SPPL2B: variants seen among roughly 807,000 people sequenced by gnomAD.
The protein encoded by SPPL2B is signal peptide peptidase like 2B, also known as signal peptide peptidase-like 2B.
SPPL2B carries 39 observed loss-of-function variants against 59.7 expected under a neutral mutation model. The observed-to-expected ratio is 0.65, with a 90% CI of 0.51 to 0.85. The LOEUF is 0.85. Ranked by LOEUF, SPPL2B falls within the 40% of genes least tolerant of loss-of-function variation. The pLI is 0.00. For missense variants in SPPL2B, 865 were observed against 849.0 expected, an observed-to-expected ratio of 1.02 and a Z score of -0.23; for synonymous variants, 419 against 370.8, an observed-to-expected ratio of 1.13 and a Z score of -1.49.
intron 13 of SPPL2B, among the ~76,000 whole-genome samples, chr19:2,345,552 C>T (rs566202478): frequency 2.1e-5 from 3 of 143,546 alleles, no homozygotes; most frequent in East Asian, 2.2e-4. Flanking sequence ...TCATTCTCCC[C>T]GGGCCTGTGC....
intron 12 of SPPL2B, 139 bp downstream of exon 12, chr19:2,344,791 G>T (rs969270434): frequency 6.9e-5 from 46 of 664,008 alleles, no homozygotes; most frequent in Non-Finnish European, 1.2e-4. Context: ...GCAGGTTGGG[G>T]CCGTTGAGGC....
rs749034792 is a variant in SPPL2B, at chr19:2,353,197, C to T, written c.1767C>T (p.Gly589=). ...QAQPSPVTQP[G]ASA ...AGCCGTCCCCGGTAACCCAGCCTGG[C>T]GCCTCGGCCTAGGGGAGGGGTGAGA... is the stretch of plus-strand genomic sequence containing the variant. Residue 589 remains glycine (G), a synonymous_variant, in exon 15 of 15, where the codon GGC becomes GGT. Transcript: ENST00000613503. The T allele has an allele frequency of 3.1e-5, 50 of 1,601,260 alleles. No homozygotes were observed. The highest frequency in any genetic ancestry group is 2.5e-4 in the East Asian group (11 of 44,774).
intron 13 of SPPL2B, among the ~76,000 whole-genome samples, chr19:2,346,209 G>A (rs1969360006): frequency 2.0e-5 from 3 of 152,328 alleles, no homozygotes; most frequent in South Asian, 2.1e-4. Context: ...CTCCTCTGCC[G>A]AGCCACGCCC....
intron 8 of SPPL2B, chr19:2,341,701 A>G (rs1036288855): frequency 1.2e-5 from 5 of 419,612 alleles, no homozygotes; most frequent in Admixed American, 2.6e-5. Flanking sequence ...TAACTGGCAG[A>G]AGGAAGATGT....
chr19:2,335,633 A>G (rs1242289374), intron 2 of SPPL2B, among the ~76,000 whole-genome samples: 3 of 143,784 alleles, frequency 2.1e-5, no homozygotes, highest in Non-Finnish European at 4.5e-5. Flanking sequence ...TGCATCCTTC[A>G]GGCCCCGCCT....
chr19:2,343,216 C>T lies in SPPL2B; in HGVS notation c.962C>T (p.Ala321Val), dbSNP rs1203840061. The change falls in exon 9 of 15, where the codon GCC (alanine) becomes GTC (valine). Residue 321 changes from alanine to valine, a missense_variant. Ala to Val is a moderately conservative substitution (Grantham distance 64, BLOSUM62 0). Coordinates refer to ENST00000613503, the MANE Select transcript of SPPL2B (RefSeq NM_152988.3). Reference sequence around the variant, plus strand: ...GATGCTGCTTTGTCTTGCAGGTGGGCCTGGGTCCTCCAGGATGCCCTGGGC... The same window carrying T: ...GATGCTGCTTTGTCTTGCAGGTGGGTCTGGGTCCTCCAGGATGCCCTGGGC... ...WGVFRNEDQW[A>V]WVLQDALGIA... The T allele has an allele frequency of 8.4e-6, 13 of 1,554,206 alleles. No homozygotes were observed. Among genetic ancestry groups the T allele is most frequent in the African/African-American group, 1.4e-5 (1 of 73,306 alleles).
At chr19:2,350,839 C>T (rs765565523) in intron 13 of SPPL2B, among the ~76,000 whole-genome samples, 7 of 152,212 alleles carry the variant, frequency 4.6e-5, no homozygotes, top group African/African-American at 1.4e-4. Context: ...CCCTCCCCTG[C>T]GGGTGCCAAG....
At chr19:2,343,406 C>T in intron 9 of SPPL2B, 114 bp downstream of exon 9, 1 of 894,854 alleles carries the variant, frequency 1.1e-6, no homozygotes, top group South Asian at 1.5e-5. Flanking sequence ...GCTCACTGCC[C>T]TGGGGATGGC....
At chr19:2,339,643 C>T in intron 5 of SPPL2B, 181 bp from the exon 6 acceptor site, 1 of 684,174 alleles carries the variant, frequency 1.5e-6, no homozygotes, top group South Asian at 1.9e-5. Flanking sequence ...CCCTGCCACC[C>T]TCTGCTGTGT....
intron 12 of SPPL2B, 52 bp from the exon 13 acceptor site, chr19:2,345,201 T>C (rs1969296017): frequency 1.3e-6 from 2 of 1,544,782 alleles, no homozygotes; most frequent in Non-Finnish European, 1.8e-6. Flanking sequence ...AGGAAGCCCC[T>C]GCTCTGAGGC....
chr19:2,353,020 A>G lies in SPPL2B; in HGVS notation c.1590A>G (p.Pro530=). ...AGCCTCCCAAAGACTCTGCCACGCC[A>G]CTCTCCCCGCAGCCGCCCAGCGAAG... ...GPQPPKDSAT[P]LSPQPPSEEP... The change falls in exon 15 of 15, where the codon CCA becomes CCG. Residue 530 remains proline, a synonymous_variant. Coordinates refer to ENST00000613503, the MANE Select transcript of SPPL2B (RefSeq NM_152988.3). 6.2e-7 allele frequency: 1 copy of G among 1,610,460 alleles called. No individual in the cohort carries two copies. The highest frequency in any genetic ancestry group is 1.1e-5 in the South Asian group (1 of 90,946).
chr19:2,330,027 G>A (rs1968197698), intron 1 of SPPL2B, among the ~76,000 whole-genome samples: 1 of 152,148 alleles, frequency 6.6e-6, no homozygotes, highest in South Asian at 2.1e-4. Flanking sequence ...TGGAAGGAGG[G>A]GGAAAGCCAG....
intron 13 of SPPL2B, among the ~76,000 whole-genome samples, chr19:2,346,281 C>T (rs1053141691): frequency 5.3e-5 from 8 of 152,234 alleles, no homozygotes; most frequent in Non-Finnish European, 7.3e-5. Flanking sequence ...GAGTTCAGGC[C>T]GGCCTGTCCC....
chr19:2,343,991 G>C lies in SPPL2B; in HGVS notation c.1065G>C (p.Leu355=), dbSNP rs555728336. 6.5e-7 allele frequency: 1 copy of C among 1,548,450 alleles called. No homozygotes were observed. The highest frequency in any genetic ancestry group is 8.7e-7 in the Non-Finnish European group (1 of 1,146,704). Residue 355 remains leucine, a synonymous_variant, in exon 10 of 15, where the codon CTG becomes CTC. Coordinates refer to ENST00000613503, the MANE Select transcript of SPPL2B (RefSeq NM_152988.3). ...CCTGCACGCTGCTGCTGCTGGTGCT[G>C]TTCCTCTACGACATCTTCTTCGTGT... ...FKACTLLLLV[L]FLYDIFFVFI...
chr19:2,340,789 T>G (rs1968982115), intron 7 of SPPL2B, 109 bp from the exon 8 acceptor site: 1 of 634,970 alleles, frequency 1.6e-6, no homozygotes, highest in Non-Finnish European at 2.7e-6. Context: ...GACAACAGAG[T>G]GGGGGCTGCC....
At position 2,332,264 on chromosome 19, in the gene SPPL2B, C is replaced by T. The variant is rs1287308856; in HGVS notation, c.67-2338C>T. ...CACCCCGAGGTCACCAGGGCCTTGACCCAGATGCTCCCAGACCAGGCCGGA... is the reference window on the plus strand; with the variant it reads ...CACCCCGAGGTCACCAGGGCCTTGATCCAGATGCTCCCAGACCAGGCCGGA... On this transcript the variant is annotated intron_variant, in intron 1 of 14. Transcript: ENST00000613503. The surrounding 1 kb of genome is among the most constrained non-coding windows in gnomAD (Gnocchi z 4.6). Among the ~76,000 whole-genome samples the T allele has an allele frequency of 1.3e-5, 2 of 152,166 alleles. No individual in the cohort carries two copies. Among genetic ancestry groups the T allele is most frequent in the African/African-American group, 4.8e-5 (2 of 41,446 alleles).
At chr19:2,345,213 C>G (rs1969296859) in intron 12 of SPPL2B, 40 bp from the exon 13 acceptor site, 1 of 1,588,700 alleles carries the variant, frequency 6.3e-7, no homozygotes. Flanking sequence ...CTCTGAGGCT[C>G]TGCGGGCCCG....
At position 2,352,979 on chromosome 19, in the gene SPPL2B, C is replaced by G. The variant is rs180827185; in HGVS notation, c.1549C>G (p.Pro517Ala). 854 of 1,612,266 alleles carry G rather than the reference C, an allele frequency of 5.3e-4. 8 individuals carry two copies. The East Asian group carries it at 0.017, about 33-fold the overall frequency. ...ACCTCCATCTCCGTGGGCCCCAGCA[C>G]CAGCCGACGGCCCGCAGCCTCCCAA... The part of the protein sequence containing the change: ...VLPPSPWAPA[P>A]ADGPQPPKDS... The change falls in exon 15 of 15, where the codon CCA becomes GCA. Residue 517 changes from proline (P) to alanine (A), a missense_variant. Physicochemically the swap from Pro to Ala is conservative, Grantham distance 27 (BLOSUM62 -1). Transcript: ENST00000613503.
chr19:2,336,708 T>A (rs1370295487), intron 2 of SPPL2B, among the ~76,000 whole-genome samples: 1 of 151,292 alleles, frequency 6.6e-6, no homozygotes, highest in Admixed American at 6.6e-5. Flanking sequence ...ATGTGTGTGC[T>A]TGCGTGTGCA....
Sources: gnomAD v4.1 joint callset for allele counts (sites outside exome capture counted in the v4.1 genomes callset) on GRCh38, gnomAD v4.1.1 for gene constraint, Gnocchi (gnomAD v3.1) non-coding constraint, MANE v1.5 for transcripts, NCBI Gene and HGNC (gene_info 2026-07-23, HGNC 2026-07-21) for gene names.